The following SEC14L6 variants were observed in gnomAD, a reference collection of about 807,000 sequenced individuals.
The protein encoded by SEC14L6 is SEC14-like protein 6.
SEC14L6 carries 40 observed loss-of-function variants against 54.1 expected under a neutral mutation model. That is an observed-to-expected ratio of 0.74 (90% confidence interval 0.57 to 0.96). The LOEUF (loss-of-function observed/expected upper bound fraction) is 0.96, where lower values mean the gene tolerates loss of function less well. Among genes scored for constraint, SEC14L6 ranks in the 40% least tolerant of loss-of-function variants. The pLI is 0.00. For synonymous variants in SEC14L6, 171 were observed against 198.4 expected (o/e 0.86, Z 1.16); for missense variants, 471 against 498.3 (o/e 0.95, Z 0.52).
chr22:30,534,688 G>A (rs1304258526), intron 2 of SEC14L6, among the ~76,000 whole-genome samples: 4 of 152,120 alleles, frequency 2.6e-5, no homozygotes, highest in African/African-American at 9.7e-5. Flanking sequence ...GGGATTAAAG[G>A]TGTGAGCCAC....
intron 1 of SEC14L6, among the ~76,000 whole-genome samples, chr22:30,542,306 ACCCCCGCG>A (rs1327250395): frequency 2.0e-5 from 3 of 147,466 alleles, no homozygotes; most frequent in Non-Finnish European, 4.5e-5. Flanking sequence ...ACACCCCCCC[ACCCCCGCG>A]CCTCCACTCC....
chr22:30,527,981 G>A (rs1485381114), intron 8 of SEC14L6, among the ~76,000 whole-genome samples: 1 of 150,918 alleles, frequency 6.6e-6, no homozygotes, highest in South Asian at 2.1e-4. Context: ...ATTTTTTTTT[G>A]GAAAATATAT....
At chr22:30,537,487 C>T (rs2085619608) in intron 2 of SEC14L6, among the ~76,000 whole-genome samples, 1 of 152,062 alleles carries the variant, frequency 6.6e-6, no homozygotes, top group Admixed American at 6.6e-5. Flanking sequence ...GGCGTGGTGC[C>T]GAGCTCCTAT....
In SEC14L6 at chr22:30,534,033, C is replaced by G. The variant is rs1389153643; in HGVS notation, c.137G>C (p.Ser46Thr). Residue 46 changes from serine to threonine, a missense_variant, in exon 3 of 12, where the codon AGC becomes ACC. Coordinates refer to ENST00000402034, the MANE Select transcript of SEC14L6 (RefSeq NM_001193336.4). ...GTCCTCTGATTTCTGCAGGTCAAAG[C>G]TCCGAGCTGCAACAAGAGACAGGGT... The part of the protein sequence containing the change: ...YFLLRWLQAR[S>T]FDLQKSEDML... The G allele has an allele frequency of 1.3e-6, 2 of 1,551,004 alleles. No homozygotes were observed. The highest frequency in any genetic ancestry group is 1.7e-4 in the Middle Eastern group (1 of 5,994).
At position 30,523,964 on chromosome 22, in the gene SEC14L6, A is replaced by G. The variant is rs948260223; in HGVS notation, c.*1033T>C. 6.6e-6 allele frequency: 1 copy of G among 152,214 alleles called. No homozygotes were observed. Among genetic ancestry groups the G allele is most frequent in the East Asian group, 1.9e-4 (1 of 5,200 alleles). 9.4% of individuals were successfully genotyped at this position (152,214 alleles called of 1,614,324 possible). On this transcript the variant is annotated 3_prime_UTR_variant, in exon 12 of 12. Transcript: ENST00000402034. ...CCCACAAATGCACTTTTCGAATGCA[A>G]ACCAACTGATATAAACCATATTCCA...
In SEC14L6 at chr22:30,528,119, C is replaced by CTTTTT. The variant is rs1201756831; in HGVS notation, c.664+963_664+967dup. Among the ~76,000 whole-genome samples, 41 of 117,692 alleles carry CTTTTT rather than the reference C, an allele frequency of 3.5e-4. 2 individuals carry two copies. The highest frequency in any genetic ancestry group is 4.6e-4 in the Non-Finnish European group (26 of 56,560). The allele number at this position is 117,692 out of a possible 152,430, so 77.2% of individuals were successfully genotyped here. ...TATATAATTTGGAAAACCTAGATTT[C>CTTTTT]TTTTTTTTTTTTTTTTTTTTTGAGA... On this transcript the variant is annotated intron_variant, in intron 8 of 11. Transcript: ENST00000402034.
intron 1 of SEC14L6, among the ~76,000 whole-genome samples, 165 bp downstream of exon 1, chr22:30,546,464 T>C (rs1295730168): frequency 6.6e-6 from 1 of 151,644 alleles, no homozygotes; most frequent in African/African-American, 2.4e-5. Context: ...GCGTGGTATT[T>C]CTATTGGTTA....
chr22:30,524,495 C>T lies in SEC14L6; in HGVS notation c.*502G>A, dbSNP rs1936701988. The T allele has an allele frequency of 6.5e-6, 1 of 152,914 alleles. No individual in the cohort carries two copies. The allele number at this position is 152,914 out of a possible 1,614,324, so 9.5% of individuals were successfully genotyped here. ...AGTTCAGGCGACTCTCCTGCCTCAG[C>T]CTCCCAAGTAGCTGGAATTACAAGC... is the stretch of plus-strand genomic sequence containing the variant. On this transcript the variant is annotated 3_prime_UTR_variant, in exon 12 of 12. Transcript: ENST00000402034.
chr22:30,532,748 C>T (rs761292488), intron 4 of SEC14L6, 35 bp from the exon 5 acceptor site: 37 of 1,598,422 alleles, frequency 2.3e-5, no homozygotes, highest in Non-Finnish European at 2.9e-5. Context: ...GGTTCAGTGC[C>T]GAGGGCTGAG....
At chr22:30,540,500 G>A (rs941306929) in intron 1 of SEC14L6, among the ~76,000 whole-genome samples, 2 of 150,632 alleles carry the variant, frequency 1.3e-5, no homozygotes, top group African/African-American at 4.9e-5. Flanking sequence ...TGGATTGCTT[G>A]AGCTCAGGAG....
chr22:30,525,050 C>A lies in SEC14L6; in HGVS notation c.1141G>T (p.Val381Leu), dbSNP rs200443600. 5.5e-5 allele frequency: 85 copies of A among 1,549,940 alleles called. No homozygotes were observed. The highest frequency in any genetic ancestry group is 7.1e-5 in the Non-Finnish European group (81 of 1,146,492). ...GTTTGGTCTGGGAGCAGTACCTCCACGGTGTAGCTGATGCGTTTAGAATGA... is the reference window on the plus strand; with the variant it reads ...GTTTGGTCTGGGAGCAGTACCTCCAAGGTGTAGCTGATGCGTTTAGAATGA... The part of the protein sequence containing the change: ...LVHSKRISYT[V>L]EVLLPDQTFM... Residue 381 changes from valine to leucine, a missense_variant, in exon 12 of 12, where the codon GTG becomes TTG. Val to Leu is a conservative substitution (Grantham distance 32, BLOSUM62 1). Transcript: ENST00000402034.
chr22:30,540,056 T>G (rs73168688), intron 1 of SEC14L6, among the ~76,000 whole-genome samples: 158 of 152,358 alleles, frequency 1.0e-3, no homozygotes, highest in Non-Finnish European at 1.6e-3. Flanking sequence ...TTATTCTCTT[T>G]GGGCCCCAGA....
At chr22:30,533,212 C>G (rs1937041149) in intron 3 of SEC14L6, 2 of 947,508 alleles carry the variant, frequency 2.1e-6, no homozygotes, top group Non-Finnish European at 2.5e-6. Flanking sequence ...TACCCCCCTA[C>G]AAGGCCTGCA....
chr22:30,543,675 A>G, intron 1 of SEC14L6: 1 of 1,611,944 alleles, frequency 6.2e-7, no homozygotes, highest in Non-Finnish European at 8.5e-7. Flanking sequence ...GACCTAATGA[A>G]CAGAACATCT....
At chr22:30,528,452 C>G (rs1481746085) in intron 8 of SEC14L6, among the ~76,000 whole-genome samples, 2 of 98,498 alleles carry the variant, frequency 2.0e-5, no homozygotes, top group Non-Finnish European at 1.9e-5. Flanking sequence ...GAGATAGGGT[C>G]GCACTCTGTC....
rs1937023465 is a variant in SEC14L6, at chr22:30,532,712, A to G, written c.236T>C (p.Val79Ala). The change falls in exon 5 of 12, where the codon GTG becomes GCG. Residue 79 changes from valine (V) to alanine (A), a missense_variant and splice_region_variant. Val to Ala is a moderately conservative substitution (Grantham distance 64). Transcript: ENST00000402034. ...ANILAWQPPE[V>A]VRLYNANGIC... Reference sequence around the variant, plus strand: ...GCCGTTAGCGTTGTACAGCCTGACCACCTGGATGCATACACAGGAGACGGG... The same window carrying G: ...GCCGTTAGCGTTGTACAGCCTGACCGCCTGGATGCATACACAGGAGACGGG... The G allele has an allele frequency of 1.9e-6, 3 of 1,572,274 alleles. No homozygotes were observed. The highest frequency in any genetic ancestry group is 2.6e-6 in the Non-Finnish European group (3 of 1,158,566).
chr22:30,542,612 T>C (rs2085742674), intron 1 of SEC14L6: 2 of 1,526,364 alleles, frequency 1.3e-6, no homozygotes, highest in East Asian at 2.5e-5. Context: ...CTCGGGCCGC[T>C]GCTCTGCCTG....
At chr22:30,542,895 C>T (rs2085749995) in intron 1 of SEC14L6, 2 of 1,601,166 alleles carry the variant, frequency 1.2e-6, no homozygotes, top group African/African-American at 1.3e-5. Context: ...CCATCTGCAT[C>T]AGTAACATCA....
rs187378134 is a variant in SEC14L6 at position 30,540,442 on chromosome 22, G to A, written c.55-1540C>T. Among the ~76,000 whole-genome samples the A allele has an allele frequency of 2.7e-5, 4 of 145,858 alleles. No individual in the cohort carries two copies. In the East Asian group the frequency reaches 6.0e-4, roughly 22 times the overall value. On this transcript the variant is annotated intron_variant, in intron 1 of 11. Transcript: ENST00000402034. The stretch of plus-strand genomic sequence containing the variant: ...ATTAAGATCAATTACTTGGCCAGGT[G>A]AGGTGGCTCACACCTGTAATCCCAG...
Sources: gnomAD v4.1 joint callset for allele counts (sites outside exome capture counted in the v4.1 genomes callset) on GRCh38, gnomAD v4.1.1 for gene constraint, MANE v1.5 for transcripts, NCBI Gene and HGNC (gene_info 2026-07-23, HGNC 2026-07-21) for gene names.